The following CUL2 variants were observed in gnomAD, a reference collection of about 807,000 sequenced individuals.
CUL2 encodes cullin 2.
Under a neutral mutation model 110.2 loss-of-function variants are expected in CUL2, and 22 were observed. The observed-to-expected ratio is 0.20, with a 90% CI of 0.14 to 0.28. CUL2 has a LOEUF of 0.28. Among genes scored for constraint, CUL2 ranks in the 10% least tolerant of loss-of-function variants. CUL2 has a pLI of 1.00. For synonymous variants in CUL2, 279 were observed against 293.2 expected, an observed-to-expected ratio of 0.95 and a Z score of 0.49; for missense variants, 631 against 905.5, an observed-to-expected ratio of 0.70 and a Z score of 3.89.
chr10:35,032,696 G>T (rs1404133016), intron 11 of CUL2, among the ~76,000 whole-genome samples: 1 of 151,988 alleles, frequency 6.6e-6, no homozygotes, highest in Non-Finnish European at 1.5e-5. Flanking sequence ...TATATATCCT[G>T]TTGCTATTCC....
At chr10:35,113,498 CAAAAAAAAAAAA>C (rs59518617) in intron 1 of CUL2, among the ~76,000 whole-genome samples, 19 of 33,310 alleles carry the variant, frequency 5.7e-4, no homozygotes, top group African/African-American at 1.7e-3. Flanking sequence ...GACTCTGCCT[CAAAAAAAAAAAA>C]AAAAAAAAAA....
At chr10:35,126,428 CAGA>C (rs1589081840) in intron 1 of CUL2, 1 of 152,490 alleles carries the variant, frequency 6.6e-6, no homozygotes, top group South Asian at 2.1e-4. Flanking sequence ...TTTTAGAAGT[CAGA>C]AGAAGCACGC....
intron 9 of CUL2, among the ~76,000 whole-genome samples, chr10:35,038,083 G>A (rs1168586445): frequency 1.3e-5 from 2 of 152,112 alleles, no homozygotes; most frequent in African/African-American, 4.8e-5. Context: ...CTGGGAGGCA[G>A]GGGTTGCAAT....
chr10:35,015,543 A>C (rs2085004712), intron 18 of CUL2, among the ~76,000 whole-genome samples: 1 of 152,154 alleles, frequency 6.6e-6, no homozygotes, highest in Admixed American at 6.5e-5. Flanking sequence ...TCTTATAAGC[A>C]CAATAATTTG....
chr10:35,097,172 A>G (rs74842166), intron 2 of CUL2, among the ~76,000 whole-genome samples: 21,685 of 152,108 alleles, frequency 0.14, 1,866 homozygotes, highest in East Asian at 0.24. Flanking sequence ...ACTGAGCACC[A>G]ACTAAAGTGT....
intron 1 of CUL2, among the ~76,000 whole-genome samples, chr10:35,088,879 A>G (rs2087129183): frequency 6.6e-6 from 1 of 152,212 alleles, no homozygotes; most frequent in African/African-American, 2.4e-5. Context: ...AAAACAAGTA[A>G]TTCAAAACAC....
chr10:35,088,787 A>G (rs4934721), intron 1 of CUL2, among the ~76,000 whole-genome samples: 44,556 of 152,132 alleles, frequency 0.29, 7,058 homozygotes, highest in South Asian at 0.35. Flanking sequence ...ATACTCAAAA[A>G]GCAATTGAAA....
chr10:35,098,704 G>A (rs926286316), intron 2 of CUL2, among the ~76,000 whole-genome samples: 6 of 152,114 alleles, frequency 3.9e-5, no homozygotes, highest in African/African-American at 1.2e-4. Flanking sequence ...GCCAACACGG[G>A]TGGATCACCT....
intron 1 of CUL2, among the ~76,000 whole-genome samples, chr10:35,105,490 C>T (rs1233126980): frequency 6.6e-6 from 1 of 150,376 alleles, no homozygotes; most frequent in African/African-American, 2.4e-5. Context: ...AGTAATCCCG[C>T]ACTTTGGGAG....
intron 1 of CUL2, among the ~76,000 whole-genome samples, chr10:35,122,575 G>A (rs2087689827): frequency 6.6e-6 from 1 of 152,150 alleles, no homozygotes; most frequent in Non-Finnish European, 1.5e-5. Context: ...TACTTTACAT[G>A]TATTAATTTA....
intron 1 of CUL2, among the ~76,000 whole-genome samples, chr10:35,108,279 A>G (rs1259837370): frequency 6.6e-6 from 1 of 151,622 alleles, no homozygotes; most frequent in Non-Finnish European, 1.5e-5. Flanking sequence ...ACATGATGAG[A>G]TCCTGTCTCT....
intron 1 of CUL2, among the ~76,000 whole-genome samples, chr10:35,103,349 G>C (rs1163862911): frequency 1.6e-5 from 2 of 127,320 alleles, no homozygotes; most frequent in East Asian, 2.4e-4. Context: ...TTTTGAGACG[G>C]AGTTTCGCTC....
At chr10:35,106,697 T>C (rs1405539379) in intron 1 of CUL2, among the ~76,000 whole-genome samples, 1 of 152,034 alleles carries the variant, frequency 6.6e-6, no homozygotes, top group African/African-American at 2.4e-5. Flanking sequence ...AGTGGAAAGA[T>C]AGTGTTTCTG....
chr10:35,118,184 C>T (rs1409291553), intron 1 of CUL2: 1 of 152,212 alleles, frequency 6.6e-6, no homozygotes, highest in Non-Finnish European at 1.5e-5. Flanking sequence ...CCTGTGCACT[C>T]CCCTTGGTCA....
rs1564753531 is a variant in CUL2 at position 35,102,174 on chromosome 10, AG to A, written c.-50-1115del. Among the ~76,000 whole-genome samples the A allele has an allele frequency of 2.0e-5, 3 of 152,248 alleles. No homozygotes were observed. In the South Asian group the frequency reaches 6.2e-4, roughly 32 times the overall value. On this transcript the variant is annotated intron_variant, in intron 1 of 5. Coordinates refer to the CUL2 transcript ENST00000685421. ...AGAATCGCTTGAACCCGGGAGGCAG[AG>A]GTTACAGTGAGCTGAGATTGTGCCA... is the stretch of plus-strand genomic sequence containing the variant.
chr10:35,081,441 A>AT (rs2086945341), intron 1 of CUL2, among the ~76,000 whole-genome samples: 1 of 152,182 alleles, frequency 6.6e-6, no homozygotes, highest in South Asian at 2.1e-4. Context: ...AGAAACTGAC[A>AT]TTTTTAAAAA....
chr10:35,035,375 G>A, intron 9 of CUL2, 79 bp from the exon 10 acceptor site: 1 of 1,507,812 alleles, frequency 6.6e-7, no homozygotes, highest in Non-Finnish European at 9.1e-7. Flanking sequence ...AAGTGCAGGA[G>A]TACAATATAC....
At chr10:35,082,960 C>T (rs951974256) in intron 1 of CUL2, among the ~76,000 whole-genome samples, 7 of 151,974 alleles carry the variant, frequency 4.6e-5, no homozygotes, top group African/African-American at 1.7e-4. Flanking sequence ...GAGTTTGAGA[C>T]CAGCCTGGCC....
chr10:35,022,682 G>A, intron 17 of CUL2, among the ~76,000 whole-genome samples: 1 of 151,146 alleles, frequency 6.6e-6, no homozygotes, highest in East Asian at 1.9e-4. Flanking sequence ...GTTTCAGTTA[G>A]GACCAGTAAG....
Sources: allele counts gnomAD v4.1 joint callset (sites outside exome capture counted in the v4.1 genomes callset), GRCh38; gene constraint gnomAD v4.1.1; transcripts MANE v1.5; gene names NCBI Gene and HGNC (gene_info 2026-07-23, HGNC 2026-07-21).